Variants in ATG4A observed in about 807,000 individuals in gnomAD.
ATG4A encodes the protein cysteine protease ATG4A.
In ATG4A, 22 loss-of-function variants were observed where a neutral mutation model predicts 38.4. That is an observed-to-expected ratio of 0.57 (90% CI 0.41 to 0.82). The LOEUF (loss-of-function observed/expected upper bound fraction) is 0.82. Ranked by LOEUF, ATG4A falls within the 40% of genes least tolerant of loss-of-function variation. The pLI is 0.00. For missense variants in ATG4A, 220 were observed against 290.0 expected, an observed-to-expected ratio of 0.76 and a Z score of 1.75; for synonymous variants, 86 against 100.7, an observed-to-expected ratio of 0.85 and a Z score of 0.88.
intron 1 of ATG4A, among the ~76,000 whole-genome samples, chrX:108,110,728 T>G (rs1235288648): frequency 8.9e-6 from 1 of 112,500 alleles, no homozygotes; most frequent in Non-Finnish European, 1.9e-5. Flanking sequence ...TTATTTAGAA[T>G]GCATTTTTTC....
intron 1 of ATG4A, among the ~76,000 whole-genome samples, chrX:108,105,818 G>C (rs1485776593): frequency 9.0e-6 from 1 of 111,399 alleles, no homozygotes. Context: ...TACAGTCTTT[G>C]TTCCCCCCAC....
At chrX:108,101,623 A>T (rs1276831617) in intron 1 of ATG4A, among the ~76,000 whole-genome samples, 1 of 109,077 alleles carries the variant, frequency 9.2e-6, no homozygotes, top group Non-Finnish European at 1.9e-5. Context: ...AACAAACTTT[A>T]AAGTGTACAG....
chrX:108,134,609 G>A (rs1383495769), intron 6 of ATG4A, among the ~76,000 whole-genome samples, 198 bp downstream of exon 6: 1 of 111,998 alleles, frequency 8.9e-6, no homozygotes, highest in Non-Finnish European at 1.9e-5. Context: ...TGGTGTATCA[G>A]AGTTATATTC....
chrX:108,139,249 C>T (rs1239621172), intron 9 of ATG4A, among the ~76,000 whole-genome samples: 2 of 111,890 alleles, frequency 1.8e-5, no homozygotes, highest in African/African-American at 6.5e-5. Context: ...CAATCCCCCA[C>T]TTGCTAGCTG....
intron 1 of ATG4A, among the ~76,000 whole-genome samples, chrX:108,109,375 A>C (rs2032288816): frequency 9.0e-6 from 1 of 111,678 alleles, no homozygotes; most frequent in Non-Finnish European, 1.9e-5. Context: ...CTGGATATTA[A>C]CCCCTTATCA....
chrX:108,091,675 C>A (rs1392638907), upstream of ATG4A: 6 of 921,501 alleles, frequency 6.5e-6, no homozygotes, highest in Non-Finnish European at 9.4e-6. Flanking sequence ...CTGGGAGTTG[C>A]AGTTTGAGAG....
At chrX:108,140,442 T>C (rs2033206749) in intron 9 of ATG4A, among the ~76,000 whole-genome samples, 4 of 109,927 alleles carry the variant, frequency 3.6e-5, no homozygotes, top group Admixed American at 3.0e-4. Context: ...GTGGTCCAGA[T>C]TGGCAGAATG....
At chrX:108,110,147 C>T (rs1364454427) in intron 1 of ATG4A, among the ~76,000 whole-genome samples, 4 of 98,406 alleles carry the variant, frequency 4.1e-5, no homozygotes, top group Non-Finnish European at 8.1e-5. Flanking sequence ...AAGGCGGGGG[C>T]GGATCACAAG....
chrX:108,133,905 T>C (rs2033029735), intron 4 of ATG4A, 152 bp from the exon 5 acceptor site: 2 of 432,820 alleles, frequency 4.6e-6, no homozygotes. Flanking sequence ...GTCATCAAAA[T>C]GAAAGATACT....
At chrX:108,132,800 A>C (rs1427693634) in intron 4 of ATG4A, among the ~76,000 whole-genome samples, 1 of 104,232 alleles carries the variant, frequency 9.6e-6, no homozygotes, top group Admixed American at 1.0e-4. Flanking sequence ...GCAAACTGGA[A>C]AAAAAAAAAA....
chrX:108,134,366 C>T lies in ATG4A; in HGVS notation c.422C>T (p.Ser141Leu). Residue 141 changes from serine to leucine, a missense_variant, in exon 6 of 13, where the codon TCA becomes TTA. By Grantham distance (145) the Ser-to-Leu change is moderately radical. This residue lies in a region of ATG4A where 159 missense variants were observed against 188.9 expected (regional missense o/e 0.84). Transcript: ENST00000372232. Reference sequence around the variant, plus strand: ...CAAATGGGTGTAGGAGAAGGGAAATCAATTGGAGAATGGTTTGGACCAAAT... The same window carrying T: ...CAAATGGGTGTAGGAGAAGGGAAATTAATTGGAGAATGGTTTGGACCAAAT... The part of the protein sequence containing the change: ...MAQMGVGEGK[S>L]IGEWFGPNTV... 8.3e-7 allele frequency: 1 copy of T among 1,210,833 alleles called. No homozygotes were observed. The highest frequency in any genetic ancestry group is 1.1e-6 in the Non-Finnish European group (1 of 894,984).
At chrX:108,144,745 A>T (rs1199184106) in intron 9 of ATG4A, among the ~76,000 whole-genome samples, 1 of 111,707 alleles carries the variant, frequency 9.0e-6, no homozygotes, top group African/African-American at 3.3e-5. Flanking sequence ...CCATCCACAT[A>T]CCTCTTCCCC....
intron 1 of ATG4A, 43 bp downstream of exon 1, chrX:108,091,879 G>C (rs757414529): frequency 1.1e-5 from 13 of 1,209,939 alleles, no homozygotes; most frequent in Non-Finnish European, 1.3e-5. Flanking sequence ...AAAGAGCCGG[G>C]GTGGGTAGTC....
intron 9 of ATG4A, among the ~76,000 whole-genome samples, chrX:108,139,662 T>C (rs760552441): frequency 8.8e-6 from 1 of 113,052 alleles, no homozygotes; most frequent in Admixed American, 9.4e-5. Flanking sequence ...GCATTTGGGT[T>C]CAAAGAAAAT....
chrX:108,139,171 A>G (rs181592367), intron 9 of ATG4A, among the ~76,000 whole-genome samples: 127 of 111,607 alleles, frequency 1.1e-3, no homozygotes, highest in Non-Finnish European at 1.9e-3. Context: ...ATCCTCCCCA[A>G]CACATCTCCT....
intron 1 of ATG4A, among the ~76,000 whole-genome samples, chrX:108,094,451 C>CT (rs2031741473): frequency 9.0e-6 from 1 of 110,960 alleles, no homozygotes; most frequent in African/African-American, 3.3e-5. Context: ...TCTAGAGATG[C>CT]TGTCCCATCC....
At chrX:108,103,404 G>A (rs1374625394) in intron 1 of ATG4A, among the ~76,000 whole-genome samples, 1 of 112,107 alleles carries the variant, frequency 8.9e-6, no homozygotes, top group Non-Finnish European at 1.9e-5. Flanking sequence ...TTATGATCAA[G>A]CTCTCTGTTC....
chrX:108,092,028 C>T, intron 1 of ATG4A, 192 bp downstream of exon 1: 1 of 686,057 alleles, frequency 1.5e-6, no homozygotes, highest in Non-Finnish European at 2.1e-6. Context: ...CTGAGTACTA[C>T]CTACTGAGCT....
chrX:108,120,658 A>G (rs1314922601), intron 1 of ATG4A, among the ~76,000 whole-genome samples: 5 of 112,287 alleles, frequency 4.5e-5, no homozygotes, highest in Non-Finnish European at 7.5e-5. Flanking sequence ...AAGAAATGTC[A>G]TATTTTCTGG....
Sources: gnomAD v4.1 joint callset for allele counts (sites outside exome capture counted in the v4.1 genomes callset) on GRCh38, gnomAD v4.1.1 for gene constraint, gnomAD v4.1.1 regional missense constraint, MANE v1.5 for transcripts, NCBI Gene and HGNC (gene_info 2026-07-23, HGNC 2026-07-21) for gene names.